The following CRISPLD2 variants were observed in gnomAD, a reference collection of about 807,000 sequenced individuals.
CRISPLD2 encodes cysteine rich secretory protein LCCL domain containing 2, also known as cysteine-rich secretory protein LCCL domain-containing 2.
In CRISPLD2, 47 loss-of-function variants were observed where a neutral mutation model predicts 71.1. The observed-to-expected ratio is 0.66, with a 90% confidence interval of 0.52 to 0.84. CRISPLD2 has a LOEUF of 0.84. Among genes scored for constraint, CRISPLD2 ranks in the 40% least tolerant of loss-of-function variants. CRISPLD2 has a pLI of 0.00. For synonymous variants in CRISPLD2, 317 were observed against 250.1 expected, an observed-to-expected ratio of 1.27 and a Z score of -2.52; for missense variants, 830 against 651.1, an observed-to-expected ratio of 1.27 and a Z score of -2.99.
chr16:84,831,518 C>T (rs1184328012), intron 1 of CRISPLD2, among the ~76,000 whole-genome samples: 1 of 152,004 alleles, frequency 6.6e-6, no homozygotes, highest in East Asian at 1.9e-4. Context: ...CTCAGCCCCT[C>T]CACGAGTAGC....
intron 3 of CRISPLD2, 138 bp downstream of exon 3, chr16:84,846,042 TGAGGCTTGGCATC>T (rs1916906149): frequency 1.7e-6 from 1 of 592,854 alleles, no homozygotes; most frequent in African/African-American, 1.9e-5. Flanking sequence ...TCTGGGAAAC[TGAGGCTTGGCATC>T]CAGGAACACT....
intron 10 of CRISPLD2, chr16:84,873,506 C>CAAAAACAA (rs2071491110): frequency 8.9e-6 from 1 of 112,190 alleles, no homozygotes; most frequent in African/African-American, 4.1e-5. Context: ...ACAACAACAA[C>CAAAAACAA]AAAAAAAAAA....
intron 14 of CRISPLD2, among the ~76,000 whole-genome samples, chr16:84,898,286 C>T (rs1405119650): frequency 6.6e-6 from 1 of 152,202 alleles, no homozygotes; most frequent in Non-Finnish European, 1.5e-5. Flanking sequence ...GTAAGGCTCC[C>T]CCGCCAGTGG....
At chr16:84,873,887 A>G in intron 10 of CRISPLD2, 33 bp from the exon 11 acceptor site, 1 of 1,522,294 alleles carries the variant, frequency 6.6e-7, no homozygotes, top group South Asian at 1.2e-5. Context: ...CATTTACCTA[A>G]TGCCCGTTTT....
rs721005 is a variant in CRISPLD2 at position 84,872,492 on chromosome 16, C to G, written c.965C>G (p.Thr322Ser). The G allele has an allele frequency of 0.4, 638,713 of 1,611,090 alleles. 129,932 individuals are homozygous for G. The highest frequency in any genetic ancestry group is 0.62 in the East Asian group (27,729 of 44,784). Residue 322 changes from threonine (T) to serine (S), a missense_variant, in exon 9 of 15, where the codon ACT becomes AGT. By Grantham distance (58) the Thr-to-Ser change is moderately conservative. Coordinates refer to ENST00000262424, the MANE Select transcript of CRISPLD2 (RefSeq NM_031476.4). The stretch of plus-strand genomic sequence containing the variant: ...AACCACAAGGCGAAGATCTTTGGAA[C>G]TCTGTTCTATGAAAGCGTGAGTGTG... ...CLNHKAKIFG[T>S]LFYESSSSIC...
intron 3 of CRISPLD2, among the ~76,000 whole-genome samples, chr16:84,846,949 C>G (rs1258519389): frequency 1.3e-5 from 2 of 152,210 alleles, no homozygotes; most frequent in Non-Finnish European, 2.9e-5. Flanking sequence ...GGGCTGACGG[C>G]TGGTTTCATT....
intron 14 of CRISPLD2, among the ~76,000 whole-genome samples, chr16:84,893,719 G>A (rs1299462433): frequency 1.3e-5 from 2 of 152,210 alleles, no homozygotes; most frequent in Non-Finnish European, 2.9e-5. Context: ...GCTCCCAAGA[G>A]AACCCTGCAG....
intron 14 of CRISPLD2, among the ~76,000 whole-genome samples, chr16:84,896,766 C>T (rs920821441): frequency 2.6e-5 from 4 of 152,154 alleles, no homozygotes; most frequent in African/African-American, 9.7e-5. Flanking sequence ...TGTATGTACA[C>T]TCATACATAT....
intron 6 of CRISPLD2, among the ~76,000 whole-genome samples, chr16:84,856,974 C>G (rs1333181848): frequency 2.0e-5 from 3 of 152,198 alleles, no homozygotes; most frequent in African/African-American, 4.8e-5. Flanking sequence ...AAACCTGTAT[C>G]CAGAGTAAGC....
intron 6 of CRISPLD2, among the ~76,000 whole-genome samples, chr16:84,862,212 C>CT (rs980326319): frequency 1.1e-4 from 17 of 151,764 alleles, no homozygotes; most frequent in Non-Finnish European, 2.1e-4. Context: ...CCTAGTTCAC[C>CT]TTTTTTTTGA....
At chr16:84,864,910 C>T (rs1917493401) in intron 6 of CRISPLD2, among the ~76,000 whole-genome samples, 1 of 152,168 alleles carries the variant, frequency 6.6e-6, no homozygotes. Context: ...TTAAACCCGT[C>T]CCTTCCCCTT....
At chr16:84,889,468 G>A in intron 14 of CRISPLD2, 105 bp downstream of exon 14, 16 of 1,222,640 alleles carry the variant, frequency 1.3e-5, no homozygotes, top group Non-Finnish European at 1.5e-5. Flanking sequence ...AATAAAACTC[G>A]GGTAGACTTG....
In CRISPLD2 at chr16:84,835,466, T is replaced by A. The variant is rs143658999; in HGVS notation, c.-74-2956T>A. Among the ~76,000 whole-genome samples the A allele has an allele frequency of 3.9e-3, 600 of 152,218 alleles. 4 individuals are homozygous for A. Among genetic ancestry groups the A allele is most frequent in the African/African-American group, 0.014 (572 of 41,544 alleles). On this transcript the variant is annotated intron_variant, in intron 1 of 14. Transcript: ENST00000262424. ...GGAGCCATCCAGATCTGGAGGAGCCTCATCCCCTCCCAAGCAGGGACCCTC... is the reference window on the plus strand; with the variant it reads ...GGAGCCATCCAGATCTGGAGGAGCCACATCCCCTCCCAAGCAGGGACCCTC...
At chr16:84,825,310 C>G (rs1046219868) in intron 1 of CRISPLD2, among the ~76,000 whole-genome samples, 5 of 152,160 alleles carry the variant, frequency 3.3e-5, no homozygotes, top group East Asian at 3.9e-4. Flanking sequence ...TGCCTGTAAC[C>G]TTAACACTTT....
At chr16:84,878,089 T>A (rs1051805602) in intron 12 of CRISPLD2, among the ~76,000 whole-genome samples, 1 of 147,022 alleles carries the variant, frequency 6.8e-6, no homozygotes, top group Non-Finnish European at 1.5e-5. Context: ...CCGGGCGTGG[T>A]GGCGGGCGCC....
At chr16:84,834,066 G>T (rs7404749) in intron 1 of CRISPLD2, among the ~76,000 whole-genome samples, 12,969 of 152,252 alleles carry the variant, frequency 0.085, 704 homozygotes, top group Middle Eastern at 0.14. Context: ...GAAGAGCTGC[G>T]TTCCGGCTCC....
At chr16:84,894,147 GAA>G (rs1206487879) in intron 14 of CRISPLD2, among the ~76,000 whole-genome samples, 4 of 152,174 alleles carry the variant, frequency 2.6e-5, no homozygotes, top group Admixed American at 2.0e-4. Flanking sequence ...CAGCCATGCA[GAA>G]ATGAGGCAAC....
At chr16:84,871,516 G>A (rs145099642) in intron 8 of CRISPLD2, among the ~76,000 whole-genome samples, 1 of 152,260 alleles carries the variant, frequency 6.6e-6, no homozygotes, top group Non-Finnish European at 1.5e-5. Context: ...TCCAGCCTGC[G>A]TGATGGAGTC....
At chr16:84,886,976 TC>T (rs1170446959) in intron 13 of CRISPLD2, among the ~76,000 whole-genome samples, 2 of 152,162 alleles carry the variant, frequency 1.3e-5, no homozygotes, top group African/African-American at 4.8e-5. Context: ...ACTTCCCGCT[TC>T]CCCTCCGCCA....
Sources: allele counts gnomAD v4.1 joint callset (sites outside exome capture counted in the v4.1 genomes callset), GRCh38; gene constraint gnomAD v4.1.1; transcripts MANE v1.5; gene names NCBI Gene and HGNC (gene_info 2026-07-23, HGNC 2026-07-21).